Variants in SSBP2 observed in about 807,000 individuals in gnomAD.
SSBP2 encodes single-stranded DNA-binding protein 2.
SSBP2 carries 17 observed loss-of-function variants against 61.8 expected under a neutral mutation model. That is an observed-to-expected ratio of 0.28 (90% CI 0.19 to 0.41). The LOEUF is 0.41. SSBP2 is among the 10% of genes least tolerant of loss of function. SSBP2 has a pLI of 1.00. For missense variants in SSBP2, 310 were observed against 458.7 expected (o/e 0.68, Z 2.96); for synonymous variants, 139 against 141.3 (o/e 0.98, Z 0.12).
At chr5:81,565,859 A>C (rs1055493558) in intron 4 of SSBP2, among the ~76,000 whole-genome samples, 12 of 152,220 alleles carry the variant, frequency 7.9e-5, no homozygotes, top group African/African-American at 2.7e-4. Context: ...ATGTTCAAAG[A>C]GGAAATGTTT....
Position 81,599,191 on chromosome 5 carries a change from C to CT in SSBP2, c.282+16281dup, listed in dbSNP as rs141548500. Among the ~76,000 whole-genome samples the CT allele has an allele frequency of 1.2e-4, 19 of 152,184 alleles. 2 individuals are homozygous for CT. In the East Asian group the frequency reaches 3.7e-3, roughly 29 times the overall value. On this transcript the variant is annotated intron_variant, in intron 4 of 16. Transcript: ENST00000320672. ...GGGAAGGATGACGAATACTCAACCT[C>CT]TTTTTTTCCCAGGCAAGAAATTGTA...
At chr5:81,734,970 CAAAAAAAA>C (rs11350574) in intron 1 of SSBP2, among the ~76,000 whole-genome samples, 9 of 70,528 alleles carry the variant, frequency 1.3e-4, no homozygotes, top group South Asian at 1.0e-3. Flanking sequence ...GACTCCATCT[CAAAAAAAA>C]AAAAAAAAAA....
chr5:81,601,103 T>C (rs1744321839), intron 4 of SSBP2, among the ~76,000 whole-genome samples: 1 of 152,328 alleles, frequency 6.6e-6, no homozygotes, highest in Middle Eastern at 3.4e-3. Flanking sequence ...ACCAGTATAC[T>C]AGTTGTTTAT....
intron 7 of SSBP2, 79 bp downstream of exon 7, chr5:81,474,411 TATACAA>T (rs1765451857): frequency 8.4e-7 from 1 of 1,196,738 alleles, no homozygotes; most frequent in South Asian, 1.3e-5. Context: ...GAGATTTACT[TATACAA>T]ATACAATTTT....
At chr5:81,460,771 G>A (rs188969446) in intron 10 of SSBP2, among the ~76,000 whole-genome samples, 1 of 152,070 alleles carries the variant, frequency 6.6e-6, no homozygotes, top group East Asian at 1.9e-4. Context: ...CTATTTATAG[G>A]CTATTGTAGT....
chr5:81,600,491 G>A (rs1744245719), intron 4 of SSBP2, among the ~76,000 whole-genome samples: 1 of 150,250 alleles, frequency 6.7e-6, no homozygotes, highest in South Asian at 2.1e-4. Context: ...GAACCCAGGA[G>A]GTGCAGGTTG....
intron 1 of SSBP2, among the ~76,000 whole-genome samples, chr5:81,690,389 A>G (rs907047179): frequency 2.0e-5 from 3 of 152,152 alleles, no homozygotes; most frequent in African/African-American, 7.2e-5. Context: ...CAAAGACTGA[A>G]AATAAAGGGA....
At chr5:81,565,460 A>G (rs1334969928) in intron 4 of SSBP2, among the ~76,000 whole-genome samples, 42 of 152,316 alleles carry the variant, frequency 2.8e-4, no homozygotes, top group Admixed American at 2.7e-3. Flanking sequence ...AAGTTCCCAC[A>G]AAGATTTTAT....
chr5:81,745,225 T>C (rs1757279241), intron 1 of SSBP2, among the ~76,000 whole-genome samples: 1 of 152,120 alleles, frequency 6.6e-6, no homozygotes, highest in Non-Finnish European at 1.5e-5. Flanking sequence ...CTCTAACTAC[T>C]GAAAACAGGC....
At chr5:81,651,983 TAGACTC>T (rs1749769889) in intron 1 of SSBP2, among the ~76,000 whole-genome samples, 1 of 151,836 alleles carries the variant, frequency 6.6e-6, no homozygotes, top group Admixed American at 6.6e-5. Flanking sequence ...AAAAAAAACA[TAGACTC>T]AGGTAATTCC....
intron 4 of SSBP2, among the ~76,000 whole-genome samples, chr5:81,570,093 C>T (rs1773725806): frequency 6.6e-6 from 1 of 152,074 alleles, no homozygotes; most frequent in Admixed American, 6.6e-5. Context: ...ACTTGTCTAA[C>T]AGAGGAATAA....
intron 1 of SSBP2, among the ~76,000 whole-genome samples, chr5:81,674,937 A>C (rs949511022): frequency 6.6e-6 from 1 of 152,208 alleles, no homozygotes; most frequent in African/African-American, 2.4e-5. Context: ...TGCATAATTA[A>C]ATGTATTTGA....
intron 12 of SSBP2, 110 bp downstream of exon 12, chr5:81,446,758 A>G: frequency 9.7e-7 from 1 of 1,033,138 alleles, no homozygotes; most frequent in Non-Finnish European, 1.4e-6. Context: ...CTACTCCTTT[A>G]ACTATCGTGA....
At chr5:81,635,414 T>G (rs765519930) in intron 3 of SSBP2, among the ~76,000 whole-genome samples, 1 of 152,094 alleles carries the variant, frequency 6.6e-6, no homozygotes, top group Non-Finnish European at 1.5e-5. Context: ...TGGAACAAGA[T>G]TGACCTATTA....
At chr5:81,665,898 C>A (rs1003869794) in intron 1 of SSBP2, among the ~76,000 whole-genome samples, 3 of 152,076 alleles carry the variant, frequency 2.0e-5, no homozygotes, top group African/African-American at 7.2e-5. Flanking sequence ...AATGTGATTC[C>A]TAGGTGACAA....
intron 4 of SSBP2, among the ~76,000 whole-genome samples, chr5:81,600,162 GATAA>G (rs1459342225): frequency 6.6e-6 from 1 of 152,094 alleles, no homozygotes; most frequent in African/African-American, 2.4e-5. Flanking sequence ...CTAGAAATAA[GATAA>G]ATAATATGTA....
At chr5:81,517,737 AT>A (rs1769143843) in intron 4 of SSBP2, among the ~76,000 whole-genome samples, 1 of 151,966 alleles carries the variant, frequency 6.6e-6, no homozygotes, top group South Asian at 2.1e-4. Flanking sequence ...TATGTGACTG[AT>A]TTTTAAAAAT....
chr5:81,434,805 G>C (rs1762573111), intron 15 of SSBP2, among the ~76,000 whole-genome samples: 1 of 152,112 alleles, frequency 6.6e-6, no homozygotes, highest in Non-Finnish European at 1.5e-5. Context: ...AGCTGAACAT[G>C]TGTTGGAAAA....
chr5:81,612,923 T>G (rs1220449375), intron 4 of SSBP2, among the ~76,000 whole-genome samples: 2 of 152,082 alleles, frequency 1.3e-5, no homozygotes, highest in Non-Finnish European at 2.9e-5. Flanking sequence ...TTCAAACTAT[T>G]ATATTTACAT....
Sources: gnomAD v4.1 joint callset for allele counts (sites outside exome capture counted in the v4.1 genomes callset) on GRCh38, gnomAD v4.1.1 for gene constraint, MANE v1.5 for transcripts, NCBI Gene and HGNC (gene_info 2026-07-23, HGNC 2026-07-21) for gene names.